Variants in ELOVL7 observed in about 807,000 individuals in gnomAD.
The protein encoded by ELOVL7 is very long chain fatty acid elongase 7.
ELOVL7 carries 27 observed loss-of-function variants against 35.7 expected under a neutral mutation model. The ratio of observed to expected loss-of-function variants is 0.76; its 90% confidence interval spans 0.56 to 1.04. The LOEUF (loss-of-function observed/expected upper bound fraction) is 1.04. Ranked by LOEUF, ELOVL7 falls within the 50% of genes least tolerant of loss-of-function variation. The probability of loss-of-function intolerance (pLI) is 0.00; values close to 1 mark genes in which losing one functional copy is unlikely to be tolerated. For missense variants in ELOVL7, 327 were observed against 340.8 expected (o/e 0.96, Z 0.32); for synonymous variants, 113 against 114.6 (o/e 0.99, Z 0.09).
intron 2 of ELOVL7, among the ~76,000 whole-genome samples, chr5:60,793,828 A>G (rs1744085185): frequency 6.6e-6 from 1 of 152,216 alleles, no homozygotes; most frequent in Non-Finnish European, 1.5e-5. Context: ...CCATAACACT[A>G]CCTGACTATA....
At chr5:60,774,764 CTTTTTTT>C in intron 3 of ELOVL7, among the ~76,000 whole-genome samples, 1 of 136,716 alleles carries the variant, frequency 7.3e-6, no homozygotes, top group Non-Finnish European at 1.6e-5. Flanking sequence ...ATAAAACTCT[CTTTTTTT>C]TTTTTTTTTT....
At chr5:60,834,397 G>T (rs978545500) in intron 1 of ELOVL7, among the ~76,000 whole-genome samples, 1 of 152,106 alleles carries the variant, frequency 6.6e-6, no homozygotes, top group African/African-American at 2.4e-5. Context: ...CGCCCGCCTC[G>T]GCCTCCCAAA....
intron 2 of ELOVL7, among the ~76,000 whole-genome samples, chr5:60,788,610 A>G (rs918844633): frequency 2.6e-5 from 4 of 152,012 alleles, no homozygotes; most frequent in African/African-American, 9.7e-5. Flanking sequence ...CCCCATCTCT[A>G]CTAAAAATAC....
At position 60,771,953 on chromosome 5, in the gene ELOVL7, T is replaced by A; in HGVS notation, c.205A>T (p.Ile69Leu). ...AGTACTATGAAAAAATTGTACGTTA[T>A]CATTGCTTTCTTGAGTTCAAAGGGC... ...RKPFELKKAM[I>L]TYNFFIVLFS... Residue 69 changes from isoleucine (I) to leucine (L), a missense_variant, in exon 4 of 9, where the codon ATA (isoleucine) becomes TTA (leucine). Ile to Leu is a conservative substitution (Grantham distance 5). Transcript: ENST00000508821. 1 of 1,613,970 alleles carries A rather than the reference T, an allele frequency of 6.2e-7. No individual in the cohort carries two copies. Among genetic ancestry groups the A allele is most frequent in the Non-Finnish European group, 8.5e-7 (1 of 1,179,934 alleles).
chr5:60,819,519 T>G (rs753064314), intron 1 of ELOVL7, among the ~76,000 whole-genome samples: 1 of 152,116 alleles, frequency 6.6e-6, no homozygotes, highest in African/African-American at 2.4e-5. Context: ...CGGTGGCTCA[T>G]GCCTGTAATC....
At chr5:60,766,669 T>A (rs369135000) in intron 5 of ELOVL7, 39 bp from the exon 6 acceptor site, 2 of 1,570,642 alleles carry the variant, frequency 1.3e-6, no homozygotes, top group African/African-American at 1.4e-5. Context: ...ATTTTGTATA[T>A]GGAAGAAAAG....
intron 1 of ELOVL7, among the ~76,000 whole-genome samples, chr5:60,825,391 CTTGCT>C (rs1249250514): frequency 2.0e-5 from 3 of 152,150 alleles, no homozygotes; most frequent in African/African-American, 7.2e-5. Context: ...CTTCCCTTAC[CTTGCT>C]TTATTTTTCT....
At chr5:60,787,484 T>G (rs753513425) in intron 2 of ELOVL7, 53 bp from the exon 3 acceptor site, 12 of 1,047,578 alleles carry the variant, frequency 1.1e-5, no homozygotes, top group Non-Finnish European at 1.6e-5. Flanking sequence ...GCAAATAAAG[T>G]CAAGCTTATA....
At chr5:60,795,527 G>A (rs1561448528) in intron 2 of ELOVL7, among the ~76,000 whole-genome samples, 1 of 152,112 alleles carries the variant, frequency 6.6e-6, no homozygotes, top group East Asian at 1.9e-4. Context: ...CCCATTGTAT[G>A]GGAGCTCTGT....
At chr5:60,783,434 C>T (rs910938646) in intron 3 of ELOVL7, among the ~76,000 whole-genome samples, 1 of 152,194 alleles carries the variant, frequency 6.6e-6, no homozygotes, top group Non-Finnish European at 1.5e-5. Flanking sequence ...GGCCTTCTCT[C>T]TCAGCAACAG....
chr5:60,813,529 C>G (rs1745352379), intron 1 of ELOVL7, among the ~76,000 whole-genome samples: 1 of 152,166 alleles, frequency 6.6e-6, no homozygotes, highest in Admixed American at 6.5e-5. Flanking sequence ...TTCAACACTC[C>G]CTACTGCCCT....
chr5:60,774,938 G>T (rs903371593), intron 3 of ELOVL7, among the ~76,000 whole-genome samples: 3 of 151,878 alleles, frequency 2.0e-5, no homozygotes, highest in Non-Finnish European at 4.4e-5. Flanking sequence ...GCTAATTTTT[G>T]TATTTTTAGT....
At chr5:60,767,966 A>G in intron 4 of ELOVL7, 63 bp from the exon 5 acceptor site, 1 of 1,245,404 alleles carries the variant, frequency 8.0e-7, no homozygotes, top group South Asian at 1.2e-5. Context: ...CAACAAAGGT[A>G]GTTTTGATAG....
chr5:60,755,483 C>T (rs1164820205), intron 8 of ELOVL7, among the ~76,000 whole-genome samples: 1 of 152,060 alleles, frequency 6.6e-6, no homozygotes, highest in Non-Finnish European at 1.5e-5. Flanking sequence ...ATAGCGAAAC[C>T]CCATCTCTAC....
intron 1 of ELOVL7, among the ~76,000 whole-genome samples, chr5:60,838,671 A>C (rs1746972470): frequency 6.6e-6 from 1 of 152,164 alleles, no homozygotes; most frequent in Non-Finnish European, 1.5e-5. Flanking sequence ...ATTTGTCTTT[A>C]ACATGGGGAA....
rs1202798700 is a variant in ELOVL7 at position 60,786,751 on chromosome 5, C to CCTGG, written c.64+582_64+583insCCAG. ...CACGAGGTCAGGAGATCAAGACCATCCTAACACAGTGAAACCCCGTCTCTA... is the reference window on the plus strand; with the variant it reads ...CACGAGGTCAGGAGATCAAGACCATCCTGGCTAACACAGTGAAACCCCGTCTCTA... On this transcript the variant is annotated intron_variant, in intron 3 of 8. Transcript: ENST00000508821. Among the ~76,000 whole-genome samples the CCTGG allele has an allele frequency of 5.9e-5, 9 of 152,022 alleles. No individual in the cohort carries two copies. The South Asian group carries it at 1.2e-3, about 21-fold the overall frequency.
chr5:60,774,361 T>C (rs1330469615), intron 3 of ELOVL7, among the ~76,000 whole-genome samples: 2 of 152,188 alleles, frequency 1.3e-5, no homozygotes, highest in East Asian at 3.8e-4. Flanking sequence ...AGTCAATAAA[T>C]GTGACTCACC....
chr5:60,765,054 T>C (rs570165230), intron 6 of ELOVL7, among the ~76,000 whole-genome samples: 28 of 152,262 alleles, frequency 1.8e-4, no homozygotes, highest in Admixed American at 9.8e-4. Context: ...CTAAACAGAA[T>C]AGCACAAAGA....
chr5:60,820,712 T>A (rs139297654), intron 1 of ELOVL7, among the ~76,000 whole-genome samples: 9 of 152,312 alleles, frequency 5.9e-5, no homozygotes, highest in African/African-American at 1.7e-4. Flanking sequence ...ACCACGAACC[T>A]GATCACAAAT....
Sources: gnomAD v4.1 joint callset for allele counts (sites outside exome capture counted in the v4.1 genomes callset) on GRCh38, gnomAD v4.1.1 for gene constraint, MANE v1.5 for transcripts, NCBI Gene and HGNC (gene_info 2026-07-23, HGNC 2026-07-21) for gene names.